The following TOM1 variants were observed in gnomAD, a reference collection of about 807,000 sequenced individuals.
TOM1 encodes the protein target of myb1 membrane trafficking protein, also known as target of Myb protein 1.
TOM1 carries 38 observed loss-of-function variants against 61.3 expected under a neutral mutation model. That is an observed-to-expected ratio of 0.62 (90% CI 0.48 to 0.81). The LOEUF (loss-of-function observed/expected upper bound fraction) is 0.81. TOM1 is among the 40% of genes least tolerant of loss of function. TOM1 has a pLI of 0.00. For missense variants in TOM1, 591 were observed against 659.6 expected (o/e 0.90, Z 1.14); for synonymous variants, 270 against 268.8 (o/e 1.00, Z -0.04).
rs768910426 is a variant in TOM1 at position 35,327,354 on chromosome 22, C to A, written c.732C>A (p.Thr244=). The part of the protein sequence containing the change: ...MSEMLTELVP[T]QAEPADLELL... ...AGATGCTGACGGAGCTGGTGCCCACCCAGGCCGAGCCCGCAGACCTGGAGC... is the reference window on the plus strand; with the variant it reads ...AGATGCTGACGGAGCTGGTGCCCACACAGGCCGAGCCCGCAGACCTGGAGC... Residue 244 remains threonine (T), a synonymous_variant, in exon 7 of 15, where the codon ACC becomes ACA. Transcript: ENST00000449058. The A allele has an allele frequency of 4.6e-5, 74 of 1,613,610 alleles. No individual in the cohort carries two copies. The highest frequency in any genetic ancestry group is 6.1e-5 in the Non-Finnish European group (72 of 1,180,004).
chr22:35,317,943 TCAA>T lies in TOM1; in HGVS notation c.121_123del (p.Asn41del). 1 of 1,614,040 alleles carries T rather than the reference TCAA, an allele frequency of 6.2e-7. No homozygotes were observed. The highest frequency in any genetic ancestry group is 8.5e-7 in the Non-Finnish European group (1 of 1,179,992). On this transcript the variant is annotated inframe_deletion, in exon 2 of 15. Coordinates refer to ENST00000449058, the MANE Select transcript of TOM1 (RefSeq NM_005488.3). ...CTCAACATGGAGATCTGCGACATCATCAACGAGACGGAGGAAGGGTAAGGGCCC... is the reference window on the plus strand; with the variant it reads ...CTCAACATGGAGATCTGCGACATCATCGAGACGGAGGAAGGGTAAGGGCCC...
chr22:35,328,411 A>ACATATAGCCCGGGCTATATATGAG (rs1448870584), intron 7 of TOM1, among the ~76,000 whole-genome samples: 5 of 152,216 alleles, frequency 3.3e-5, no homozygotes, highest in African/African-American at 1.2e-4. Flanking sequence ...ATATGTGGAC[A>ACATATAGCCCGGGCTATATATGAG]CTTGGTTCAC....
At chr22:35,332,213 T>G (rs897596107) in intron 8 of TOM1, among the ~76,000 whole-genome samples, 2 of 152,192 alleles carry the variant, frequency 1.3e-5, no homozygotes, top group Admixed American at 6.5e-5. Context: ...ATGAAAGGCC[T>G]CTTCCCTGCC....
intron 1 of TOM1, among the ~76,000 whole-genome samples, chr22:35,303,513 T>C (rs189187244): frequency 4.7e-5 from 7 of 150,256 alleles, no homozygotes; most frequent in African/African-American, 1.7e-4. Context: ...TCTTTTTTTT[T>C]TTTTTTTTTG....
Position 35,300,194 on chromosome 22 carries a change from C to T in TOM1, c.52+214C>T, listed in dbSNP as rs145159534. 5.1e-4 allele frequency among the ~76,000 whole-genome samples: 78 copies of T among 152,396 alleles called. No individual in the cohort carries two copies. The Middle Eastern group carries it at 0.01, about 20-fold the overall frequency. On this transcript the variant is annotated intron_variant, in intron 1 of 14. Transcript: ENST00000449058. ...CTTGGCTTGTGATAGATGTATATGA[C>T]AGCCAGTAGGTAAGGAGAGAGGGTG...
chr22:35,301,819 C>A (rs1402483042), intron 1 of TOM1, among the ~76,000 whole-genome samples: 1 of 152,084 alleles, frequency 6.6e-6, no homozygotes, highest in African/African-American at 2.4e-5. Flanking sequence ...CCCGGACACA[C>A]ACCCACCCCA....
intron 11 of TOM1, among the ~76,000 whole-genome samples, chr22:35,335,264 C>G (rs1202605885): frequency 6.6e-6 from 1 of 152,176 alleles, no homozygotes; most frequent in African/African-American, 2.4e-5. Flanking sequence ...CCCACTGACC[C>G]CACTCAGCTC....
chr22:35,321,531 T>C (rs1397446104), intron 2 of TOM1, among the ~76,000 whole-genome samples: 1 of 152,052 alleles, frequency 6.6e-6, no homozygotes, highest in Non-Finnish European at 1.5e-5. Flanking sequence ...CCCAAGTAGC[T>C]GGGATTACAG....
chr22:35,318,129 G>A (rs1220239285), intron 2 of TOM1, 168 bp downstream of exon 2: 5 of 618,394 alleles, frequency 8.1e-6, no homozygotes, highest in African/African-American at 7.3e-5. Flanking sequence ...TAGTACCTGA[G>A]CCCCATCCAA....
At chr22:35,326,574 A>G (rs1452616734) in intron 6 of TOM1, among the ~76,000 whole-genome samples, 1 of 152,238 alleles carries the variant, frequency 6.6e-6, no homozygotes. Context: ...GGGACACCAA[A>G]ATAGACCAGA....
At chr22:35,327,177 G>A (rs1306488916) in intron 6 of TOM1, 94 bp from the exon 7 acceptor site, 29 of 1,220,914 alleles carry the variant, frequency 2.4e-5, no homozygotes, top group Non-Finnish European at 3.5e-5. Context: ...CCCTGGTGCT[G>A]CACCCAGGGT....
At position 35,300,123 on chromosome 22, in the gene TOM1, C is replaced by T. The variant is rs987484835; in HGVS notation, c.52+143C>T. Reference sequence around the variant, plus strand: ...AGCTCTCCGACCTGGCTCCGCCCAGCTTTCCTCCCACTCTTGATTGACAAG... The same window carrying T: ...AGCTCTCCGACCTGGCTCCGCCCAGTTTTCCTCCCACTCTTGATTGACAAG... On this transcript the variant is annotated intron_variant, in intron 1 of 14. Transcript: ENST00000449058. 2.3e-5 allele frequency: 21 copies of T among 904,334 alleles called. No individual in the cohort carries two copies. The African/African-American group carries it at 3.4e-4, about 15-fold the overall frequency. 56.0% of individuals were successfully genotyped at this position (904,334 alleles called of 1,614,324 possible).
chr22:35,301,311 C>G (rs1362926562), intron 1 of TOM1, among the ~76,000 whole-genome samples: 2 of 102,002 alleles, frequency 2.0e-5, no homozygotes, highest in Non-Finnish European at 5.2e-5. Flanking sequence ...CATACACATA[C>G]ATATATATTA....
intron 1 of TOM1, among the ~76,000 whole-genome samples, chr22:35,308,904 A>T (rs1926578801): frequency 6.6e-6 from 1 of 152,202 alleles, no homozygotes; most frequent in South Asian, 2.1e-4. Context: ...GTTAAAAAAA[A>T]TACAGGGGAG....
chr22:35,335,611 G>C (rs1231315355), intron 11 of TOM1: 1 of 154,596 alleles, frequency 6.5e-6, no homozygotes, highest in East Asian at 1.9e-4. Flanking sequence ...GAGAACCCTG[G>C]CGCCTGCCCT....
At chr22:35,345,542 C>T (rs1020697585) in intron 12 of TOM1, 183 bp from the exon 13 acceptor site, 1 of 636,000 alleles carries the variant, frequency 1.6e-6, no homozygotes, top group Non-Finnish European at 2.8e-6. Flanking sequence ...TGCTTAGTCT[C>T]CTGGCTCTGC....
intron 12 of TOM1, among the ~76,000 whole-genome samples, chr22:35,341,408 T>C (rs1374763875): frequency 6.6e-6 from 1 of 152,210 alleles, no homozygotes; most frequent in Admixed American, 6.5e-5. Context: ...TCTGCCTGGC[T>C]TCTAAGCCAT....
chr22:35,300,325 A>G (rs914497871), intron 1 of TOM1, among the ~76,000 whole-genome samples: 2 of 152,100 alleles, frequency 1.3e-5, no homozygotes, highest in African/African-American at 4.8e-5. Context: ...TGGCTGGGCC[A>G]CTCTGCTGGG....
At chr22:35,301,963 T>G (rs1446728876) in intron 1 of TOM1, among the ~76,000 whole-genome samples, 1 of 152,170 alleles carries the variant, frequency 6.6e-6, no homozygotes, top group Non-Finnish European at 1.5e-5. Flanking sequence ...AACAAGTAAA[T>G]AAAAGACCTG....
Sources: allele counts gnomAD v4.1 joint callset (sites outside exome capture counted in the v4.1 genomes callset), GRCh38; gene constraint gnomAD v4.1.1; transcripts MANE v1.5; gene names NCBI Gene and HGNC (gene_info 2026-07-23, HGNC 2026-07-21).